SORCS1: variants seen among roughly 807,000 people sequenced by gnomAD.
SORCS1 encodes the protein sortilin related VPS10 domain containing receptor 1, also known as VPS10 domain-containing receptor SorCS1.
Under a neutral mutation model 146.1 loss-of-function variants are expected in SORCS1, and 60 were observed. That is an observed-to-expected ratio of 0.41 (90% CI 0.33 to 0.51). The LOEUF is 0.51. Among genes scored for constraint, SORCS1 ranks in the 20% least tolerant of loss-of-function variants. The pLI is 0.21. For synonymous variants in SORCS1, 637 were observed against 584.0 expected, an observed-to-expected ratio of 1.09 and a Z score of -1.31; for missense variants, 1,352 against 1,487.6, an observed-to-expected ratio of 0.91 and a Z score of 1.50.
At chr10:106,991,192 A>G (rs929624967) in intron 1 of SORCS1, among the ~76,000 whole-genome samples, 4 of 152,224 alleles carry the variant, frequency 2.6e-5, no homozygotes, top group African/African-American at 9.7e-5. Flanking sequence ...CTCGGGATAC[A>G]GGAGAGCTTT....
chr10:107,057,485 C>A (rs1960757914), intron 1 of SORCS1, among the ~76,000 whole-genome samples: 2 of 152,130 alleles, frequency 1.3e-5, no homozygotes, highest in Admixed American at 1.3e-4. Context: ...TCTACCTCTG[C>A]AAACAAGGGC....
intron 1 of SORCS1, among the ~76,000 whole-genome samples, chr10:107,057,832 G>A (rs1405637087): frequency 6.6e-6 from 1 of 152,024 alleles, no homozygotes; most frequent in Non-Finnish European, 1.5e-5. Context: ...GTTTAGAGAG[G>A]AGTCTCACTA....
intron 3 of SORCS1, among the ~76,000 whole-genome samples, chr10:106,778,904 C>T (rs1415022): frequency 0.047 from 7,146 of 152,154 alleles, 274 homozygotes; most frequent in East Asian, 0.11. Context: ...AACACAATTA[C>T]AAACTAGGCC....
chr10:106,888,939 G>A (rs945622697), intron 2 of SORCS1, among the ~76,000 whole-genome samples: 4 of 152,048 alleles, frequency 2.6e-5, no homozygotes, highest in Admixed American at 6.6e-5. Context: ...CACAAGGTGC[G>A]GTTTTAGAAA....
chr10:106,771,811 C>A (rs1205825524), intron 4 of SORCS1, among the ~76,000 whole-genome samples: 2 of 152,182 alleles, frequency 1.3e-5, no homozygotes, highest in African/African-American at 2.4e-5. Context: ...CTCACATAGG[C>A]CCTTCAGAGG....
intron 1 of SORCS1, among the ~76,000 whole-genome samples, chr10:107,068,856 C>A (rs1468973086): frequency 3.7e-5 from 5 of 134,510 alleles, no homozygotes; most frequent in African/African-American, 1.5e-4. Flanking sequence ...GGCAACAGAG[C>A]GAGACTCCGT....
chr10:106,913,624 A>G (rs1398416651), intron 2 of SORCS1, among the ~76,000 whole-genome samples: 5 of 152,220 alleles, frequency 3.3e-5, no homozygotes, highest in African/African-American at 1.2e-4. Flanking sequence ...GAACAAATGC[A>G]AACTCAAGCC....
At chr10:106,896,156 C>T (rs114386167) in intron 2 of SORCS1, among the ~76,000 whole-genome samples, 8,215 of 152,088 alleles carry the variant, frequency 0.054, 587 homozygotes, top group African/African-American at 0.16. Context: ...AGGCCGGGTG[C>T]AGTGGCTCAT....
At chr10:106,634,763 G>T (rs1848634915) in intron 18 of SORCS1, among the ~76,000 whole-genome samples, 1 of 152,198 alleles carries the variant, frequency 6.6e-6, no homozygotes, top group African/African-American at 2.4e-5. Flanking sequence ...AAGCCGTAAA[G>T]AAGATAGAGA....
chr10:106,725,477 G>A lies in SORCS1; in HGVS notation c.1024+4573C>T, dbSNP rs567361702. Among the ~76,000 whole-genome samples, 89 of 152,034 alleles carry A rather than the reference G, an allele frequency of 5.9e-4. 2 individuals carry two copies. The South Asian group carries it at 0.018, about 31-fold the overall frequency. On this transcript the variant is annotated intron_variant, in intron 6 of 25. Transcript: ENST00000263054. ...GAGGCAGGAGAATCACTTGAACCCA[G>A]GAGGCGGAGGTTGCAGTGAGCTGAG...
intron 5 of SORCS1, 48 bp from the exon 6 acceptor site, chr10:106,730,162 A>C: frequency 6.3e-7 from 1 of 1,591,300 alleles, no homozygotes; most frequent in Non-Finnish European, 8.6e-7. Context: ...TAATGACTTC[A>C]CATGTGCCTT....
Position 106,630,204 on chromosome 10 carries a change from C to T in SORCS1, c.2476-816G>A, listed in dbSNP as rs78695781. On this transcript the variant is annotated intron_variant, in intron 18 of 25. Transcript: ENST00000263054. ...ATTGTATCATAGGAAGGACGGAAGA[C>T]ACTTTGCCTGATATCTGATAGGACA... Among the ~76,000 whole-genome samples the T allele has an allele frequency of 1.6e-3, 251 of 152,300 alleles. 4 individuals are homozygous for T. The highest frequency in any genetic ancestry group is 5.9e-3 in the African/African-American group (244 of 41,582).
intron 1 of SORCS1, among the ~76,000 whole-genome samples, chr10:107,161,665 T>C (rs2134933579): frequency 6.6e-6 from 1 of 151,904 alleles, no homozygotes; most frequent in South Asian, 2.1e-4. Context: ...AGGTCTCCAC[T>C]CTGCTTTGCA....
In SORCS1 at chr10:107,112,662, T is replaced by C. The variant is rs559907059; in HGVS notation, c.558+51307A>G. ...CTCACTTAAGCCTTAAGGACAAACATAGACTGAAAGTAAAAAAATAGAAAA... is the reference window on the plus strand; with the variant it reads ...CTCACTTAAGCCTTAAGGACAAACACAGACTGAAAGTAAAAAAATAGAAAA... On this transcript the variant is annotated intron_variant, in intron 1 of 25. Transcript: ENST00000263054. Among the ~76,000 whole-genome samples, 49 of 151,938 alleles carry C rather than the reference T, an allele frequency of 3.2e-4. 1 individual carries two copies. The South Asian group carries it at 7.1e-3, about 22-fold the overall frequency.
intron 2 of SORCS1, among the ~76,000 whole-genome samples, chr10:106,880,322 G>A (rs527764843): frequency 6.6e-6 from 1 of 152,250 alleles, no homozygotes; most frequent in South Asian, 2.1e-4. Flanking sequence ...TAGCTTTGGT[G>A]CTAAAAAACT....
At chr10:107,082,689 C>T (rs1047239288) in intron 1 of SORCS1, among the ~76,000 whole-genome samples, 1 of 152,054 alleles carries the variant, frequency 6.6e-6, no homozygotes, top group Middle Eastern at 3.2e-3. Flanking sequence ...ACCATGTTGG[C>T]CAGTCTCGAA....
At chr10:106,943,702 C>A (rs190518395) in intron 2 of SORCS1, among the ~76,000 whole-genome samples, 2 of 151,728 alleles carry the variant, frequency 1.3e-5, no homozygotes, top group Non-Finnish European at 2.9e-5. Context: ...CCCAGCTACT[C>A]GGGAGGCTGA....
At chr10:106,988,073 C>T (rs1027184756) in intron 1 of SORCS1, among the ~76,000 whole-genome samples, 1 of 152,166 alleles carries the variant, frequency 6.6e-6, no homozygotes, top group Non-Finnish European at 1.5e-5. Context: ...TATCAATCTG[C>T]CATTTCTTTC....
At chr10:106,990,344 A>G (rs1414547298) in intron 1 of SORCS1, among the ~76,000 whole-genome samples, 1 of 152,106 alleles carries the variant, frequency 6.6e-6, no homozygotes, top group African/African-American at 2.4e-5. Flanking sequence ...ATCTTGGCTC[A>G]CTGCAACCTT....
Sources: gnomAD v4.1 joint callset for allele counts (sites outside exome capture counted in the v4.1 genomes callset) on GRCh38, gnomAD v4.1.1 for gene constraint, MANE v1.5 for transcripts, NCBI Gene and HGNC (gene_info 2026-07-23, HGNC 2026-07-21) for gene names.